The following FARS2 variants were observed in gnomAD, a reference collection of about 807,000 sequenced individuals.
FARS2 encodes the protein phenylalanine--tRNA ligase, mitochondrial.
Under a neutral mutation model 46.4 loss-of-function variants are expected in FARS2, and 40 were observed. The observed-to-expected ratio is 0.86, with a 90% CI of 0.67 to 1.12. The LOEUF (loss-of-function observed/expected upper bound fraction) is 1.12, where lower values mean the gene tolerates loss of function less well. FARS2 is among the 50% of genes most tolerant of loss of function. The pLI, the probability that FARS2 is intolerant of heterozygous loss-of-function variation, is 0.00. For missense variants in FARS2, 513 were observed against 567.9 expected (o/e 0.90, Z 0.98); for synonymous variants, 234 against 214.9 (o/e 1.09, Z -0.78).
chr6:5,575,491 T>G (rs1772909551), intron 5 of FARS2, among the ~76,000 whole-genome samples: 1 of 152,224 alleles, frequency 6.6e-6, no homozygotes, highest in Non-Finnish European at 1.5e-5. Flanking sequence ...ATGCATCATG[T>G]GTTTTCTAAG....
chr6:5,309,513 G>C (rs1189790188), intron 1 of FARS2, among the ~76,000 whole-genome samples: 1 of 152,164 alleles, frequency 6.6e-6, no homozygotes, highest in Non-Finnish European at 1.5e-5. Context: ...AGAAATCTGG[G>C]TGGCTAAGGA....
chr6:5,402,565 C>A (rs1030965885), intron 2 of FARS2, among the ~76,000 whole-genome samples: 2 of 152,076 alleles, frequency 1.3e-5, no homozygotes, highest in East Asian at 3.8e-4. Context: ...TGTAGCAATG[C>A]ACACTTTAGT....
At chr6:5,280,703 T>A (rs1017761094) in intron 1 of FARS2, among the ~76,000 whole-genome samples, 70 of 152,172 alleles carry the variant, frequency 4.6e-4, no homozygotes, top group Admixed American at 1.9e-3. Flanking sequence ...TTTTTTTTTT[T>A]AATCAAAAAA....
chr6:5,751,896 T>G lies in FARS2; in HGVS notation c.1218-19395T>G, dbSNP rs148226349. 6.0e-3 allele frequency among the ~76,000 whole-genome samples: 914 copies of G among 152,342 alleles called. 8 individuals carry two copies. The highest frequency in any genetic ancestry group is 0.021 in the African/African-American group (875 of 41,592). On this transcript the variant is annotated intron_variant, in intron 6 of 6. Coordinates refer to ENST00000274680, the MANE Select transcript of FARS2 (RefSeq NM_006567.5). The stretch of plus-strand genomic sequence containing the variant: ...TTCTTTTTAAGGCATAATGACACAT[T>G]TCTCCCACTTCTCACCTTGTCAGTG...
intron 1 of FARS2, among the ~76,000 whole-genome samples, chr6:5,319,746 A>G (rs1049403497): frequency 1.3e-5 from 2 of 152,082 alleles, no homozygotes; most frequent in Non-Finnish European, 1.5e-5. Context: ...GGAGATCTCT[A>G]TGGGTTAGTT....
chr6:5,399,545 C>G (rs1204524733), intron 2 of FARS2, among the ~76,000 whole-genome samples: 1 of 152,172 alleles, frequency 6.6e-6, no homozygotes, highest in Non-Finnish European at 1.5e-5. Context: ...ACTTAGAGGT[C>G]ATGACCCCCA....
chr6:5,587,645 GAATCTTATGA>G (rs997048283), intron 5 of FARS2, among the ~76,000 whole-genome samples: 11 of 152,282 alleles, frequency 7.2e-5, no homozygotes, highest in African/African-American at 2.4e-4. Context: ...AAGATTCTGA[GAATCTTATGA>G]AAGAAACCTG....
chr6:5,322,575 TG>T (rs1770058266), intron 1 of FARS2, among the ~76,000 whole-genome samples: 2 of 152,314 alleles, frequency 1.3e-5, no homozygotes, highest in East Asian at 3.9e-4. Flanking sequence ...TTTCTTTTTT[TG>T]GTTTGTTTCC....
At chr6:5,338,676 C>G (rs190414599) in intron 1 of FARS2, among the ~76,000 whole-genome samples, 5 of 148,574 alleles carry the variant, frequency 3.4e-5, no homozygotes, top group African/African-American at 1.2e-4. Flanking sequence ...ATGGCATTCT[C>G]TATGGCATTT....
chr6:5,504,741 TA>T (rs111428887), intron 4 of FARS2, among the ~76,000 whole-genome samples: 17,512 of 152,254 alleles, frequency 0.12, 1,089 homozygotes, highest in Admixed American at 0.16. Flanking sequence ...AATTACTATT[TA>T]TATTACTTTT....
chr6:5,766,430 C>T (rs980531459), intron 6 of FARS2, among the ~76,000 whole-genome samples: 1 of 152,256 alleles, frequency 6.6e-6, no homozygotes, highest in East Asian at 1.9e-4. Context: ...GCACAGCCCA[C>T]CCCACTCACA....
intron 5 of FARS2, among the ~76,000 whole-genome samples, chr6:5,551,575 C>G (rs539993204): frequency 6.6e-6 from 1 of 152,190 alleles, no homozygotes. Context: ...TACAAAAATA[C>G]GTATTAGTTT....
intron 1 of FARS2, among the ~76,000 whole-genome samples, chr6:5,301,547 A>G (rs1283114278): frequency 6.6e-6 from 1 of 152,122 alleles, no homozygotes; most frequent in Non-Finnish European, 1.5e-5. Context: ...CCCCATTCTT[A>G]TCTCCAACCC....
At chr6:5,503,516 A>G (rs187714681) in intron 4 of FARS2, among the ~76,000 whole-genome samples, 1 of 151,652 alleles carries the variant, frequency 6.6e-6, no homozygotes, top group Admixed American at 6.6e-5. Context: ...AAAACATCTT[A>G]TTGCATACCG....
At chr6:5,532,093 A>C (rs1034626855) in intron 4 of FARS2, among the ~76,000 whole-genome samples, 2 of 152,236 alleles carry the variant, frequency 1.3e-5, no homozygotes, top group African/African-American at 4.8e-5. Flanking sequence ...ATCTACTGTT[A>C]TGTGAGCACC....
intron 4 of FARS2, among the ~76,000 whole-genome samples, chr6:5,459,658 T>TA (rs1006141769): frequency 1.4e-4 from 22 of 152,148 alleles, no homozygotes; most frequent in Admixed American, 1.4e-3. Context: ...TTACTCTTTT[T>TA]AAAAAAAGAC....
Position 5,392,215 on chromosome 6 carries a change from T to C in FARS2, c.613-12327T>C, listed in dbSNP as rs545110541. Among the ~76,000 whole-genome samples, 263 of 152,304 alleles carry C rather than the reference T, an allele frequency of 1.7e-3. 2 individuals carry two copies. Among genetic ancestry groups the C allele is most frequent in the African/African-American group, 6.1e-3 (255 of 41,582 alleles). On this transcript the variant is annotated intron_variant, in intron 2 of 6. Coordinates refer to ENST00000274680, the MANE Select transcript of FARS2 (RefSeq NM_006567.5). ...CCTTTCTGAGTTTCCTATCCTTATATGGCATTGGTTAATGGACTACAGTCT... is the reference window on the plus strand; with the variant it reads ...CCTTTCTGAGTTTCCTATCCTTATACGGCATTGGTTAATGGACTACAGTCT...
At chr6:5,362,899 C>G (rs1219065311) in intron 1 of FARS2, among the ~76,000 whole-genome samples, 2 of 150,112 alleles carry the variant, frequency 1.3e-5, no homozygotes, top group African/African-American at 4.9e-5. Flanking sequence ...AATCTTTATT[C>G]AGATCCTTTG....
chr6:5,645,388 G>A (rs1451373903), intron 6 of FARS2, among the ~76,000 whole-genome samples: 2 of 152,182 alleles, frequency 1.3e-5, no homozygotes, highest in Admixed American at 6.5e-5. Flanking sequence ...TGGTTGATTT[G>A]AATATTACCT....
Sources: allele counts gnomAD v4.1 joint callset (sites outside exome capture counted in the v4.1 genomes callset), GRCh38; gene constraint gnomAD v4.1.1; transcripts MANE v1.5; gene names NCBI Gene and HGNC (gene_info 2026-07-23, HGNC 2026-07-21).